Variants in ZMYM2 observed in about 807,000 individuals in gnomAD.
ZMYM2 encodes zinc finger MYM-type containing 2, also known as zinc finger MYM-type protein 2.
Under a neutral mutation model 162.8 loss-of-function variants are expected in ZMYM2, and 56 were observed. That is an observed-to-expected ratio of 0.34 (90% CI 0.28 to 0.43). The LOEUF (loss-of-function observed/expected upper bound fraction) is 0.43, where lower values mean the gene tolerates loss of function less well. ZMYM2 is among the 20% of genes least tolerant of loss of function. The pLI, the probability that ZMYM2 is intolerant of heterozygous loss-of-function variation, is 1.00. For missense variants in ZMYM2, 1,275 were observed against 1,621.8 expected (o/e 0.79, Z 3.67); for synonymous variants, 510 against 541.6 (o/e 0.94, Z 0.81).
chr13:19,896,442 C>A, the ZMYM2 span, among the ~76,000 whole-genome samples: 1 of 151,106 alleles, frequency 6.6e-6, no homozygotes. Context: ...CTGCACCCAG[C>A]CTCTAAGTAC....
At chr13:19,917,192 G>A in the ZMYM2 span, among the ~76,000 whole-genome samples, 1 of 152,052 alleles carries the variant, frequency 6.6e-6, no homozygotes, top group Non-Finnish European at 1.5e-5. Flanking sequence ...TCAATCTCCT[G>A]ACCTCGTGAT....
At chr13:19,956,441 A>G (rs2138954190), upstream of ZMYM2, among the ~76,000 whole-genome samples, 1 of 152,356 alleles carries the variant, frequency 6.6e-6, no homozygotes, top group Non-Finnish European at 1.5e-5. Flanking sequence ...TGTTATGAAC[A>G]TTCAAACATT....
At chr13:20,085,172 A>G (rs1958175936) in intron 24 of ZMYM2, among the ~76,000 whole-genome samples, 1 of 152,066 alleles carries the variant, frequency 6.6e-6, no homozygotes, top group Non-Finnish European at 1.5e-5. Flanking sequence ...TTGGGCGCGA[A>G]CTCCTCACAT....
At chr13:20,051,355 T>G in intron 12 of ZMYM2, 78 bp from the exon 13 acceptor site, 1 of 1,489,120 alleles carries the variant, frequency 6.7e-7, no homozygotes, top group Non-Finnish European at 9.1e-7. Flanking sequence ...TTATCACATT[T>G]GGCAATAATC....
At chr13:19,868,696 A>C in the ZMYM2 span, among the ~76,000 whole-genome samples, 1 of 152,168 alleles carries the variant, frequency 6.6e-6, no homozygotes, top group Non-Finnish European at 1.5e-5. Context: ...TTACATTTGC[A>C]TTTCTTTTGT....
At chr13:20,042,732 T>A (rs1178758427) in intron 12 of ZMYM2, among the ~76,000 whole-genome samples, 1 of 151,972 alleles carries the variant, frequency 6.6e-6, no homozygotes, top group Non-Finnish European at 1.5e-5. Context: ...TTATTTTTTT[T>A]TATTTTTTTG....
chr13:20,047,716 G>A (rs934576796), intron 12 of ZMYM2, among the ~76,000 whole-genome samples: 2 of 152,004 alleles, frequency 1.3e-5, no homozygotes, highest in Non-Finnish European at 2.9e-5. Flanking sequence ...CACTGAATGA[G>A]CTGTGTTTTC....
At chr13:20,040,544 TAAA>T (rs1043226382) in intron 12 of ZMYM2, among the ~76,000 whole-genome samples, 3 of 151,476 alleles carry the variant, frequency 2.0e-5, no homozygotes, top group South Asian at 4.2e-4. Flanking sequence ...CGCAAAAAAA[TAAA>T]AAAACACTCC....
At chr13:19,962,633 T>A (rs1218145350) in intron 2 of ZMYM2, among the ~76,000 whole-genome samples, 1 of 146,584 alleles carries the variant, frequency 6.8e-6, no homozygotes, top group Non-Finnish European at 1.5e-5. Context: ...CAAGTGATTC[T>A]CCTGCCTCAG....
chr13:20,004,494 A>T (rs960936015), intron 4 of ZMYM2, among the ~76,000 whole-genome samples: 8 of 152,070 alleles, frequency 5.3e-5, no homozygotes, highest in Admixed American at 2.0e-4. Context: ...TGACCTCGTG[A>T]TCCACCCGCC....
intron 11 of ZMYM2, among the ~76,000 whole-genome samples, chr13:20,035,925 A>G (rs1425303628): frequency 6.6e-6 from 1 of 152,204 alleles, no homozygotes; most frequent in Admixed American, 6.5e-5. Flanking sequence ...AGGATAGTAC[A>G]TAAATGATTG....
At chr13:20,057,663 C>G (rs1399751369) in intron 14 of ZMYM2, among the ~76,000 whole-genome samples, 1 of 152,126 alleles carries the variant, frequency 6.6e-6, no homozygotes, top group Admixed American at 6.6e-5. Flanking sequence ...GTGTATTACA[C>G]AAATATTCTC....
the ZMYM2 span, among the ~76,000 whole-genome samples, chr13:19,909,282 A>C: frequency 2.0e-5 from 3 of 152,282 alleles, 1 homozygote; most frequent in South Asian, 4.1e-4. Flanking sequence ...CAATTGTTGG[A>C]AAAGACCTGC....
At chr13:20,014,057 CT>C (rs1345556806) in intron 6 of ZMYM2, among the ~76,000 whole-genome samples, 1 of 151,930 alleles carries the variant, frequency 6.6e-6, no homozygotes. Flanking sequence ...TTGGCCTTCT[CT>C]TTTTTGGGAC....
At chr13:20,043,595 G>C (rs1204923106) in intron 12 of ZMYM2, among the ~76,000 whole-genome samples, 2 of 151,862 alleles carry the variant, frequency 1.3e-5, no homozygotes, top group African/African-American at 2.4e-5. Context: ...AGTGTCCACT[G>C]TTCTGTGTGC....
the ZMYM2 span, among the ~76,000 whole-genome samples, chr13:19,908,014 G>A: frequency 4.2e-3 from 646 of 152,138 alleles, 21 homozygotes; most frequent in East Asian, 0.092. Context: ...GCAGCCAGCC[G>A]TGGTGGCTCA....
chr13:19,977,459 T>C (rs1956890417), intron 2 of ZMYM2, among the ~76,000 whole-genome samples: 1 of 152,154 alleles, frequency 6.6e-6, no homozygotes, highest in Non-Finnish European at 1.5e-5. Context: ...GCCATTTTGC[T>C]GTTTTCTGCA....
Position 20,049,616 on chromosome 13 carries a change from C to G in ZMYM2, c.2293-1817C>G, listed in dbSNP as rs138052339. Among the ~76,000 whole-genome samples, 173 of 152,178 alleles carry G rather than the reference C, an allele frequency of 1.1e-3. 1 individual carries two copies. In the Middle Eastern group the frequency reaches 0.017, roughly 15 times the overall value. ...TTGTCTTTATTGCTTAGGGTACAGG[C>G]TAAAGCCTAGGTTTTGAATTGGTTG... is the stretch of plus-strand genomic sequence containing the variant. On this transcript the variant is annotated intron_variant, in intron 12 of 24. Coordinates refer to ENST00000610343, the MANE Select transcript of ZMYM2 (RefSeq NM_197968.4).
the ZMYM2 span, among the ~76,000 whole-genome samples, chr13:19,873,381 T>TTTATTTATTTATTTAA: frequency 3.3e-4 from 2 of 6,054 alleles, no homozygotes; most frequent in Non-Finnish European, 4.8e-4. Context: ...CAGAGTCAAT[T>TTTATTTATTTATTTAA]TTATTTATTT....
Sources: gnomAD v4.1 joint callset for allele counts (sites outside exome capture counted in the v4.1 genomes callset) on GRCh38, gnomAD v4.1.1 for gene constraint, MANE v1.5 for transcripts, NCBI Gene and HGNC (gene_info 2026-07-23, HGNC 2026-07-21) for gene names.